The following FTO variants were observed in gnomAD, a reference collection of about 807,000 sequenced individuals.
FTO encodes the protein FTO alpha-ketoglutarate dependent dioxygenase.
Under a neutral mutation model 63.9 loss-of-function variants are expected in FTO, and 47 were observed. That is an observed-to-expected ratio of 0.74 (90% CI 0.58 to 0.94). The LOEUF (loss-of-function observed/expected upper bound fraction) is 0.94. FTO is among the 40% of genes least tolerant of loss of function. The pLI, the probability that FTO is intolerant of heterozygous loss-of-function variation, is 0.00. For missense variants in FTO, 562 were observed against 618.1 expected (o/e 0.91, Z 0.96); for synonymous variants, 207 against 224.4 (o/e 0.92, Z 0.69).
chr16:53,911,160 C>T (rs1299477800), intron 7 of FTO: 1 of 543,710 alleles, frequency 1.8e-6, no homozygotes, highest in African/African-American at 1.9e-5. Context: ...GCAGTGTTCT[C>T]TCATATGTTA....
At chr16:54,095,448 T>C (rs1234347534) in intron 8 of FTO, among the ~76,000 whole-genome samples, 3 of 152,066 alleles carry the variant, frequency 2.0e-5, no homozygotes, top group African/African-American at 7.2e-5. Flanking sequence ...CTCTTTTTTT[T>C]TTTTCATTTC....
At chr16:53,798,893 C>T (rs2078148327) in intron 1 of FTO, among the ~76,000 whole-genome samples, 1 of 152,026 alleles carries the variant, frequency 6.6e-6, no homozygotes, top group African/African-American at 2.4e-5. Flanking sequence ...TCATTGATTC[C>T]TTTATTAAGA....
At chr16:53,742,470 T>C (rs570591125) in intron 1 of FTO, among the ~76,000 whole-genome samples, 2 of 152,300 alleles carry the variant, frequency 1.3e-5, no homozygotes, top group South Asian at 4.1e-4. Context: ...GTATCTACTA[T>C]CCCTGCCTTC....
intron 1 of FTO, among the ~76,000 whole-genome samples, chr16:53,783,978 A>C (rs911851409): frequency 6.6e-6 from 1 of 152,216 alleles, no homozygotes; most frequent in Admixed American, 6.5e-5. Flanking sequence ...TACAGACCCT[A>C]CTTCTGGAGA....
intron 6 of FTO, among the ~76,000 whole-genome samples, chr16:53,885,894 C>T (rs370031205): frequency 5.4e-4 from 82 of 152,238 alleles, no homozygotes; most frequent in Admixed American, 4.5e-3. Flanking sequence ...AGCACAGGCG[C>T]GTGCCACCAC....
Position 54,041,649 on chromosome 16 carries a change from G to A in FTO, c.1365-70113G>A, listed in dbSNP as rs116687447. ...CCCTGCTGTCATATGAGTCCATAGGGGGCAAAGGTGAGGCTTTCCTGGGCT... is the reference window on the plus strand; with the variant it reads ...CCCTGCTGTCATATGAGTCCATAGGAGGCAAAGGTGAGGCTTTCCTGGGCT... On this transcript the variant is annotated intron_variant, in intron 8 of 8. Coordinates refer to ENST00000471389, the MANE Select transcript of FTO (RefSeq NM_001080432.3). Among the ~76,000 whole-genome samples the A allele has an allele frequency of 4.3e-3, 659 of 152,222 alleles. 4 individuals are homozygous for A. Among genetic ancestry groups the A allele is most frequent in the African/African-American group, 0.015 (632 of 41,524 alleles).
At chr16:53,902,786 T>C (rs930627043) in intron 7 of FTO, among the ~76,000 whole-genome samples, 2 of 152,176 alleles carry the variant, frequency 1.3e-5, no homozygotes, top group Admixed American at 6.5e-5. Context: ...TAAATATACA[T>C]ACAATATCAT....
At chr16:53,836,316 A>G (rs1282305906) in intron 3 of FTO, among the ~76,000 whole-genome samples, 3 of 152,204 alleles carry the variant, frequency 2.0e-5, no homozygotes, top group African/African-American at 7.2e-5. Flanking sequence ...GCGTCCTAGA[A>G]GTGCTCCCTT....
At chr16:54,066,517 G>A (rs772281557) in intron 8 of FTO, among the ~76,000 whole-genome samples, 14 of 152,344 alleles carry the variant, frequency 9.2e-5, no homozygotes, top group South Asian at 2.1e-4. Flanking sequence ...GGAAAATCCC[G>A]TGAAAGGAAA....
intron 8 of FTO, among the ~76,000 whole-genome samples, chr16:54,085,494 G>A (rs1350685161): frequency 2.0e-5 from 3 of 151,996 alleles, no homozygotes; most frequent in Non-Finnish European, 4.4e-5. Context: ...TGCCCTCCAT[G>A]GCCAAAATCA....
At chr16:53,961,001 G>A (rs2083066484) in intron 8 of FTO, among the ~76,000 whole-genome samples, 1 of 152,142 alleles carries the variant, frequency 6.6e-6, no homozygotes, top group African/African-American at 2.4e-5. Context: ...CTGGATCTAG[G>A]ACGGTGTCCA....
intron 8 of FTO, among the ~76,000 whole-genome samples, chr16:54,079,739 C>G (rs1444913205): frequency 6.6e-6 from 1 of 152,188 alleles, no homozygotes; most frequent in African/African-American, 2.4e-5. Flanking sequence ...ACGTGTATGT[C>G]CTATCTAAGG....
intron 1 of FTO, among the ~76,000 whole-genome samples, chr16:53,805,220 G>C (rs1025280275): frequency 6.6e-6 from 1 of 152,034 alleles, no homozygotes; most frequent in African/African-American, 2.4e-5. Flanking sequence ...GTCAGGAGTG[G>C]GATGAAAAAT....
At chr16:53,971,616 T>C (rs1237140652) in intron 8 of FTO, among the ~76,000 whole-genome samples, 1 of 152,242 alleles carries the variant, frequency 6.6e-6, no homozygotes, top group African/African-American at 2.4e-5. Context: ...TTTTTAAAGT[T>C]CTCTTTATAA....
At chr16:53,854,753 T>C (rs188440426) in intron 4 of FTO, among the ~76,000 whole-genome samples, 2 of 152,300 alleles carry the variant, frequency 1.3e-5, no homozygotes, top group East Asian at 3.9e-4. Context: ...TAGGATTCAT[T>C]GGCTATTCAG....
intron 2 of FTO, among the ~76,000 whole-genome samples, chr16:53,822,198 C>G (rs1208348772): frequency 6.6e-6 from 1 of 152,182 alleles, no homozygotes; most frequent in Admixed American, 6.5e-5. Flanking sequence ...TTCACCTTAA[C>G]TTCATTGAGA....
At chr16:54,027,607 G>C (rs12449142) in intron 8 of FTO, among the ~76,000 whole-genome samples, 83 of 152,188 alleles carry the variant, frequency 5.5e-4, no homozygotes, top group Admixed American at 1.0e-3. Flanking sequence ...CATGAGTTTA[G>C]GTCTGCTGGG....
intron 1 of FTO, among the ~76,000 whole-genome samples, chr16:53,720,540 G>T (rs1056927105): frequency 6.7e-6 from 1 of 150,366 alleles, no homozygotes; most frequent in Admixed American, 6.6e-5. Context: ...ATAGTGATAA[G>T]ATCAGGATAA....
At chr16:54,078,334 T>TAA (rs1196467405) in intron 8 of FTO, among the ~76,000 whole-genome samples, 3 of 147,340 alleles carry the variant, frequency 2.0e-5, no homozygotes, top group Non-Finnish European at 4.5e-5. Flanking sequence ...TATTATTTAG[T>TAA]AAAATAGTAT....
Sources: allele counts gnomAD v4.1 joint callset (sites outside exome capture counted in the v4.1 genomes callset), GRCh38; gene constraint gnomAD v4.1.1; transcripts MANE v1.5; gene names NCBI Gene and HGNC (gene_info 2026-07-23, HGNC 2026-07-21).